SPOPL: variants seen among roughly 807,000 people sequenced by gnomAD.
SPOPL encodes speckle-type POZ protein-like.
SPOPL carries 23 observed loss-of-function variants against 53.8 expected under a neutral mutation model. The observed-to-expected ratio is 0.43, with a 90% CI of 0.31 to 0.61. The LOEUF is 0.61. SPOPL is among the 20% of genes least tolerant of loss of function. The pLI, the probability that SPOPL is intolerant of heterozygous loss-of-function variation, is 0.12. For missense variants in SPOPL, 442 were observed against 466.9 expected (o/e 0.95, Z 0.49); for synonymous variants, 164 against 149.7 (o/e 1.10, Z -0.70).
rs1313797231 is a variant in SPOPL at position 138,570,871 on chromosome 2, A to C, written c.*1791A>C. ...GTTATCCACAACAACCTAGAGTTTA[A>C]AAAGATCGTATTTTCACCTGTCTTC... On this transcript the variant is annotated 3_prime_UTR_variant, in exon 11 of 11. Coordinates refer to ENST00000280098, the MANE Select transcript of SPOPL (RefSeq NM_001001664.3). 1.3e-5 allele frequency: 2 copies of C among 152,162 alleles called. No homozygotes were observed. Among genetic ancestry groups the C allele is most frequent in the Non-Finnish European group, 2.9e-5 (2 of 68,016 alleles). The allele number at this position is 152,162 out of a possible 1,614,324, so 9.4% of individuals were successfully genotyped here.
intron 1 of SPOPL, among the ~76,000 whole-genome samples, chr2:138,518,371 C>CAGGAGA (rs1684490350): frequency 1.3e-5 from 2 of 152,032 alleles, no homozygotes; most frequent in African/African-American, 2.4e-5. Flanking sequence ...AGGAACTACC[C>CAGGAGA]TAAGTATAGA....
intron 1 of SPOPL, among the ~76,000 whole-genome samples, chr2:138,524,412 A>G (rs1027694852): frequency 1.2e-4 from 19 of 152,144 alleles, no homozygotes; most frequent in African/African-American, 4.1e-4. Context: ...CATTTTCCAC[A>G]TTGTCTTGGA....
intron 1 of SPOPL, among the ~76,000 whole-genome samples, chr2:138,511,670 A>T (rs2104856352): frequency 6.6e-6 from 1 of 152,214 alleles, no homozygotes; most frequent in East Asian, 1.9e-4. Flanking sequence ...TCAATTTCAG[A>T]AATGTTAAAA....
chr2:138,502,320 G>T (rs1684120165), intron 1 of SPOPL, among the ~76,000 whole-genome samples: 1 of 152,192 alleles, frequency 6.6e-6, no homozygotes, highest in Non-Finnish European at 1.5e-5. Context: ...CCCTTCCCTC[G>T]CGCGGCGGCA....
chr2:138,531,388 T>C (rs1303173997), intron 1 of SPOPL, among the ~76,000 whole-genome samples: 3 of 152,092 alleles, frequency 2.0e-5, no homozygotes, highest in Non-Finnish European at 4.4e-5. Context: ...TTTTACTCCA[T>C]TTATCCCTCA....
chr2:138,508,976 TTA>T (rs1245424415), intron 1 of SPOPL, among the ~76,000 whole-genome samples: 4 of 152,180 alleles, frequency 2.6e-5, no homozygotes, highest in African/African-American at 9.7e-5. Flanking sequence ...TTATACCTGC[TTA>T]TATGTTCTAA....
At chr2:138,531,197 T>C (rs181959914) in intron 1 of SPOPL, among the ~76,000 whole-genome samples, 173 of 152,016 alleles carry the variant, frequency 1.1e-3, no homozygotes, top group African/African-American at 4.0e-3. Context: ...AATCTTTCCC[T>C]TTTTCTCTCC....
intron 5 of SPOPL, among the ~76,000 whole-genome samples, chr2:138,553,166 C>A (rs1365506633): frequency 6.6e-6 from 1 of 151,990 alleles, no homozygotes; most frequent in Non-Finnish European, 1.5e-5. Context: ...AGAAATAGTT[C>A]TCAGATTTTT....
At chr2:138,521,453 T>G (rs973694629) in intron 1 of SPOPL, among the ~76,000 whole-genome samples, 1 of 152,120 alleles carries the variant, frequency 6.6e-6, no homozygotes. Context: ...GATTTCTTGC[T>G]TTTAATCTTT....
chr2:138,531,669 C>CT (rs1684812496), intron 1 of SPOPL, among the ~76,000 whole-genome samples: 1 of 151,944 alleles, frequency 6.6e-6, no homozygotes, highest in Admixed American at 6.6e-5. Context: ...CTAGTCTTAC[C>CT]TTTTGCTGTT....
intron 1 of SPOPL, among the ~76,000 whole-genome samples, chr2:138,526,439 G>T (rs570266586): frequency 6.6e-6 from 1 of 152,162 alleles, no homozygotes; most frequent in Admixed American, 6.5e-5. Flanking sequence ...TAATTTAGGG[G>T]AGTATCAGGA....
chr2:138,557,044 T>C (rs962109598), intron 5 of SPOPL, among the ~76,000 whole-genome samples: 2 of 152,006 alleles, frequency 1.3e-5, no homozygotes, highest in Non-Finnish European at 2.9e-5. Context: ...TAGTCCCAGC[T>C]ACTCGGGAGG....
chr2:138,511,417 A>G (rs1273591151), intron 1 of SPOPL, among the ~76,000 whole-genome samples: 1 of 152,232 alleles, frequency 6.6e-6, no homozygotes, highest in African/African-American at 2.4e-5. Flanking sequence ...TAACCTTTAC[A>G]TCAAATTTCC....
At chr2:138,563,324 T>A (rs573481429) in intron 8 of SPOPL, among the ~76,000 whole-genome samples, 16 of 151,882 alleles carry the variant, frequency 1.1e-4, no homozygotes, top group South Asian at 4.2e-4. Context: ...CAAAAAAAAA[T>A]TTTTTTAATT....
chr2:138,522,064 G>T lies in SPOPL; in HGVS notation c.-61+19945G>T, dbSNP rs184333167. On this transcript the variant is annotated intron_variant, in intron 1 of 10. Coordinates refer to ENST00000280098, the MANE Select transcript of SPOPL (RefSeq NM_001001664.3). ...AAATGCAAATTTGGGAAGCTGACCCGGACCCGCTGAACCCTTAACACCCGG... is the reference window on the plus strand; with the variant it reads ...AAATGCAAATTTGGGAAGCTGACCCTGACCCGCTGAACCCTTAACACCCGG... Among the ~76,000 whole-genome samples, 31 of 152,194 alleles carry T rather than the reference G, an allele frequency of 2.0e-4. No individual in the cohort carries two copies. In the East Asian group the frequency reaches 5.4e-3, roughly 27 times the overall value.
At chr2:138,536,279 C>T (rs1231001015) in intron 1 of SPOPL, among the ~76,000 whole-genome samples, 4 of 152,014 alleles carry the variant, frequency 2.6e-5, no homozygotes, top group Non-Finnish European at 5.9e-5. Flanking sequence ...CCTTCCAGTG[C>T]ATGCTGTTGC....
Position 138,572,307 on chromosome 2 carries a change from A to G in SPOPL, c.*3227A>G, listed in dbSNP as rs919784796. Reference sequence around the variant, plus strand: ...TTTTAAAATATTAACAAAGATCTCAAAAAGTTGTCATGAACATTATTCATT... The same window carrying G: ...TTTTAAAATATTAACAAAGATCTCAGAAAGTTGTCATGAACATTATTCATT... On this transcript the variant is annotated 3_prime_UTR_variant, in exon 11 of 11. Transcript: ENST00000280098. The G allele has an allele frequency of 1.3e-5, 2 of 152,614 alleles. No individual in the cohort carries two copies. The highest frequency in any genetic ancestry group is 2.9e-5 in the Non-Finnish European group (2 of 68,018). 9.5% of individuals were successfully genotyped at this position (152,614 alleles called of 1,614,324 possible). A position where few individuals can be genotyped will look rare whatever the true frequency, so the allele number is the denominator to read the frequency against.
intron 1 of SPOPL, among the ~76,000 whole-genome samples, chr2:138,518,499 C>G (rs1684493163): frequency 6.6e-6 from 1 of 152,112 alleles, no homozygotes; most frequent in African/African-American, 2.4e-5. Flanking sequence ...GAGTATAAAA[C>G]CTAAGTTTCT....
intron 10 of SPOPL, among the ~76,000 whole-genome samples, chr2:138,568,640 G>A (rs988946032): frequency 2.0e-5 from 3 of 152,216 alleles, no homozygotes; most frequent in Non-Finnish European, 4.4e-5. Context: ...TGTAAAAGAA[G>A]AGAAAGGGAC....
Sources: allele counts gnomAD v4.1 joint callset (sites outside exome capture counted in the v4.1 genomes callset), GRCh38; gene constraint gnomAD v4.1.1; transcripts MANE v1.5; gene names NCBI Gene and HGNC (gene_info 2026-07-23, HGNC 2026-07-21).